CCDC15: variants seen among roughly 807,000 people sequenced by gnomAD.
CCDC15 encodes coiled-coil domain-containing protein 15.
A neutral mutation model predicts 114.5 loss-of-function variants in CCDC15; 105 were observed. The observed-to-expected ratio is 0.92, with a 90% CI of 0.78 to 1.08. The LOEUF is 1.08. CCDC15 is among the 50% of genes least tolerant of loss of function. The pLI, the probability that CCDC15 is intolerant of heterozygous loss-of-function variation, is 0.00. For synonymous variants in CCDC15, 334 were observed against 377.8 expected (o/e 0.88, Z 1.34); for missense variants, 1,105 against 1,093.6 (o/e 1.01, Z -0.15).
At chr11:124,983,824 C>T (rs1287280341) in intron 6 of CCDC15, among the ~76,000 whole-genome samples, 1 of 151,958 alleles carries the variant, frequency 6.6e-6, no homozygotes, top group African/African-American at 2.4e-5. Context: ...TGCAGGGGTG[C>T]TGGCCTCCTT....
chr11:124,975,496 A>G (rs1431982498), intron 5 of CCDC15, among the ~76,000 whole-genome samples: 1 of 152,210 alleles, frequency 6.6e-6, no homozygotes, highest in African/African-American at 2.4e-5. Context: ...ATATATGTAT[A>G]TGTATTCAAC....
rs1948268018 is a variant in CCDC15 at position 124,991,502 on chromosome 11, G to A, written c.1950G>A (p.Glu650=). The A allele has an allele frequency of 6.2e-7, 1 of 1,603,964 alleles. No individual in the cohort carries two copies. Among genetic ancestry groups the A allele is most frequent in the Admixed American group, 1.7e-5 (1 of 59,946 alleles). The change falls in exon 9 of 16, where the codon GAG becomes GAA. Residue 650 remains glutamate, a synonymous_variant. Coordinates refer to ENST00000344762, the MANE Select transcript of CCDC15 (RefSeq NM_025004.3). ...FKEPYSDMTD[E]KGREDFSLAD... ...AGCCATACTCTGATATGACAGATGA[G>A]AAAGGGAGAGAAGACTTTTCTCTGG...
intron 9 of CCDC15, 119 bp downstream of exon 9, chr11:124,991,702 C>A: frequency 1.1e-6 from 1 of 875,358 alleles, no homozygotes; most frequent in Non-Finnish European, 1.7e-6. Context: ...TGGCTTTTTT[C>A]TGATGGAGTC....
intron 6 of CCDC15, among the ~76,000 whole-genome samples, chr11:124,979,486 G>A (rs979873655): frequency 6.6e-6 from 1 of 152,012 alleles, no homozygotes; most frequent in African/African-American, 2.4e-5. Context: ...TCTTATTGTA[G>A]AGGCCTTTCA....
chr11:125,018,977 G>A (rs1047182789), intron 13 of CCDC15, among the ~76,000 whole-genome samples: 3 of 151,982 alleles, frequency 2.0e-5, no homozygotes, highest in Non-Finnish European at 2.9e-5. Flanking sequence ...CTTCATGAAA[G>A]AATGTGACAC....
At chr11:125,005,782 A>G (rs1415359041) in intron 13 of CCDC15, among the ~76,000 whole-genome samples, 1 of 152,174 alleles carries the variant, frequency 6.6e-6, no homozygotes, top group Non-Finnish European at 1.5e-5. Context: ...TGCCTTTTCC[A>G]GAACGTCATA....
At chr11:124,986,718 C>CGCGCGCGGGGGGG in intron 6 of CCDC15, 24 bp from the exon 7 acceptor site, 1 of 1,529,834 alleles carries the variant, frequency 6.5e-7, no homozygotes. Flanking sequence ...CGCGCGTGCG[C>CGCGCGCGGGGGGG]GTTTTCATTG....
In CCDC15 at chr11:124,989,219, A is replaced by G. The variant is rs145638393; in HGVS notation, c.1908+1085A>G. 4.8e-3 allele frequency among the ~76,000 whole-genome samples: 725 copies of G among 152,334 alleles called. 6 individuals carry two copies. The highest frequency in any genetic ancestry group is 0.015 in the African/African-American group (622 of 41,582). ...AAAAACAACATTAATCTCCTTGTATATCTTCATCAGAGCTCTTGGGTGACT... is the reference window on the plus strand; with the variant it reads ...AAAAACAACATTAATCTCCTTGTATGTCTTCATCAGAGCTCTTGGGTGACT... On this transcript the variant is annotated intron_variant, in intron 8 of 15. Coordinates refer to ENST00000344762, the MANE Select transcript of CCDC15 (RefSeq NM_025004.3).
chr11:124,965,221 A>G (rs1188174919), intron 4 of CCDC15, among the ~76,000 whole-genome samples: 1 of 152,198 alleles, frequency 6.6e-6, no homozygotes, highest in Non-Finnish European at 1.5e-5. Context: ...GAATGGTACC[A>G]GCTCCTCTTT....
At chr11:125,037,900 T>C (rs1948786669) in intron 13 of CCDC15, among the ~76,000 whole-genome samples, 1 of 150,440 alleles carries the variant, frequency 6.6e-6, no homozygotes, top group African/African-American at 2.5e-5. Flanking sequence ...ACTGTTTTGC[T>C]ACATTCTTAC....
At chr11:124,975,065 T>C in intron 4 of CCDC15, 31 bp from the exon 5 acceptor site, 1 of 1,396,690 alleles carries the variant, frequency 7.2e-7, no homozygotes. Flanking sequence ...TATCCTGCTT[T>C]TGTTTGCTTT....
chr11:124,964,274 G>A lies in CCDC15; in HGVS notation c.516+4271G>A, dbSNP rs191911460. On this transcript the variant is annotated intron_variant, in intron 4 of 15. Coordinates refer to ENST00000344762, the MANE Select transcript of CCDC15 (RefSeq NM_025004.3). The stretch of plus-strand genomic sequence containing the variant: ...CGATATTGATTCTTCCTGTCCATGA[G>A]CATGGAATGTTCTTCCATTTGTTTG... 1.6e-4 allele frequency among the ~76,000 whole-genome samples: 24 copies of A among 152,294 alleles called. No individual in the cohort carries two copies. In the East Asian group the frequency reaches 4.2e-3, roughly 27 times the overall value.
In CCDC15 at chr11:124,959,837, C is replaced by A; in HGVS notation, c.350C>A (p.Ala117Asp). ...TAGGCACAAAAAGAAGGCTCCATAG[C>A]CATGCAGTCTTCAGCAACACACTTA... ...YERAQKEGSI[A>D]MQSSATHLTS... Residue 117 changes from alanine to aspartate, a missense_variant, in exon 4 of 16, where the codon GCC (alanine) becomes GAC (aspartate). Coordinates refer to ENST00000344762, the MANE Select transcript of CCDC15 (RefSeq NM_025004.3). 1 of 1,601,570 alleles carries A rather than the reference C, an allele frequency of 6.2e-7. No homozygotes were observed. The highest frequency in any genetic ancestry group is 2.2e-5 in the East Asian group (1 of 44,672).
intron 13 of CCDC15, among the ~76,000 whole-genome samples, chr11:125,007,000 A>C (rs1169052622): frequency 6.6e-6 from 1 of 152,210 alleles, no homozygotes; most frequent in Non-Finnish European, 1.5e-5. Flanking sequence ...TTTTGATAAC[A>C]TGCAATGTAT....
chr11:125,025,558 AT>A (rs1413203762), intron 13 of CCDC15, among the ~76,000 whole-genome samples: 1 of 145,462 alleles, frequency 6.9e-6, no homozygotes, highest in Non-Finnish European at 1.5e-5. Context: ...CTAGATTTTC[AT>A]TGTGGAAAGA....
At chr11:125,000,901 A>G (rs1948469069) in intron 11 of CCDC15, among the ~76,000 whole-genome samples, 1 of 152,166 alleles carries the variant, frequency 6.6e-6, no homozygotes, top group South Asian at 2.1e-4. Flanking sequence ...CATTTTTGTC[A>G]ACTAATCAAT....
In CCDC15 at chr11:124,993,177, T is replaced by C; in HGVS notation, c.2148T>C (p.His716=). The stretch of plus-strand genomic sequence containing the variant: ...TTTTGTTGTTCCTTTAGAACAAGCA[T>C]ATCAAACTACCCTCATCTTTTGAGA... ...DQDSPREQNK[H]IKLPSSFEKW... Residue 716 remains histidine (H), a synonymous_variant, in exon 11 of 16, where the codon CAT becomes CAC. Transcript: ENST00000344762. 2.5e-6 allele frequency: 4 copies of C among 1,602,382 alleles called. No individual in the cohort carries two copies. The South Asian group carries it at 4.5e-5, about 18-fold the overall frequency.
At chr11:124,960,517 T>C (rs1057132493) in intron 4 of CCDC15, among the ~76,000 whole-genome samples, 3 of 152,186 alleles carry the variant, frequency 2.0e-5, no homozygotes, top group Non-Finnish European at 4.4e-5. Flanking sequence ...AAGTTCAGTA[T>C]ACATAGGTGG....
intron 14 of CCDC15, 33 bp from the exon 15 acceptor site, chr11:125,038,888 T>C (rs778447508): frequency 1.3e-6 from 2 of 1,590,010 alleles, no homozygotes. Flanking sequence ...TTTTTAATAG[T>C]TCACTTTGCC....
Sources: allele counts gnomAD v4.1 joint callset (sites outside exome capture counted in the v4.1 genomes callset), GRCh38; gene constraint gnomAD v4.1.1; transcripts MANE v1.5; gene names NCBI Gene and HGNC (gene_info 2026-07-23, HGNC 2026-07-21).